The following GRXCR1 variants were observed in gnomAD, a reference collection of about 807,000 sequenced individuals.
The protein encoded by GRXCR1 is glutaredoxin and cysteine rich domain containing 1.
In GRXCR1, 27 loss-of-function variants were observed where a neutral mutation model predicts 27.3. The ratio of observed to expected loss-of-function variants is 0.99; its 90% CI spans 0.73 to 1.37. The LOEUF is 1.37. Ranked by LOEUF, GRXCR1 falls within the 40% of genes most tolerant of loss-of-function variation. GRXCR1 has a pLI of 0.00. For synonymous variants in GRXCR1, 122 were observed against 131.1 expected (o/e 0.93, Z 0.47); for missense variants, 379 against 354.4 (o/e 1.07, Z -0.56).
intron 1 of GRXCR1, among the ~76,000 whole-genome samples, chr4:42,925,798 T>C: frequency 6.6e-6 from 1 of 151,916 alleles, no homozygotes; most frequent in East Asian, 1.9e-4. Context: ...ACAGGTAGTC[T>C]TGAAAGACAG....
chr4:42,926,440 G>A (rs1032162759), intron 1 of GRXCR1, among the ~76,000 whole-genome samples: 1 of 151,740 alleles, frequency 6.6e-6, no homozygotes, highest in Non-Finnish European at 1.5e-5. Context: ...CAATGGAGCT[G>A]GTATCACCCA....
chr4:43,017,036 T>A (rs1310920345), intron 2 of GRXCR1, among the ~76,000 whole-genome samples: 1 of 152,168 alleles, frequency 6.6e-6, no homozygotes, highest in Admixed American at 6.5e-5. Flanking sequence ...AAGGTAGAGT[T>A]TTTTCATGTA....
chr4:42,926,024 AG>A (rs1241921929), intron 1 of GRXCR1, among the ~76,000 whole-genome samples: 1 of 152,006 alleles, frequency 6.6e-6, no homozygotes, highest in African/African-American at 2.4e-5. Flanking sequence ...TGAGAAAAAA[AG>A]TTTGTTTCCA....
chr4:42,956,615 A>G (rs932374561), intron 1 of GRXCR1, among the ~76,000 whole-genome samples: 3 of 152,146 alleles, frequency 2.0e-5, no homozygotes, highest in Non-Finnish European at 2.9e-5. Context: ...TTTACTGAAT[A>G]GTGTATTTTA....
intron 2 of GRXCR1, among the ~76,000 whole-genome samples, chr4:42,996,558 A>C (rs946387321): frequency 4.6e-5 from 7 of 152,070 alleles, no homozygotes; most frequent in Non-Finnish European, 1.0e-4. Flanking sequence ...TGCATTCTGA[A>C]GGTGTATTAT....
intron 1 of GRXCR1, among the ~76,000 whole-genome samples, chr4:42,938,078 C>A (rs1747502375): frequency 1.3e-5 from 2 of 152,002 alleles, no homozygotes; most frequent in South Asian, 4.1e-4. Context: ...CACCCACCCA[C>A]TACTCTTTCC....
At chr4:42,932,601 TATATATATATATATATATAGAG>T (rs1398462084) in intron 1 of GRXCR1, among the ~76,000 whole-genome samples, 266 of 59,022 alleles carry the variant, frequency 4.5e-3, no homozygotes, top group Middle Eastern at 8.6e-3. Context: ...TATATATATA[TATATATATATATATATATAGAG>T]AGAGAGAGAG....
At chr4:42,970,883 T>C (rs1748368774) in intron 2 of GRXCR1, among the ~76,000 whole-genome samples, 1 of 152,180 alleles carries the variant, frequency 6.6e-6, no homozygotes, top group African/African-American at 2.4e-5. Context: ...TTTTCCAAAT[T>C]GTTATGCTCT....
chr4:42,944,225 A>G (rs1233748188), intron 1 of GRXCR1, among the ~76,000 whole-genome samples: 1 of 152,104 alleles, frequency 6.6e-6, no homozygotes, highest in African/African-American at 2.4e-5. Context: ...AGGGAAGATC[A>G]GAGAAAACAT....
chr4:42,981,155 T>A (rs1383471173), intron 2 of GRXCR1, among the ~76,000 whole-genome samples: 1 of 46,032 alleles, frequency 2.2e-5, no homozygotes, highest in Non-Finnish European at 3.9e-5. Context: ...GTAGTGGTAT[T>A]TTTTTTTTTT....
intron 2 of GRXCR1, among the ~76,000 whole-genome samples, chr4:43,005,895 G>A (rs1047918456): frequency 6.6e-6 from 1 of 152,208 alleles, no homozygotes; most frequent in Non-Finnish European, 1.5e-5. Flanking sequence ...ATACAGTGTT[G>A]AATTAAATAT....
At chr4:42,960,027 G>C (rs539075969) in intron 1 of GRXCR1, among the ~76,000 whole-genome samples, 68 of 152,016 alleles carry the variant, frequency 4.5e-4, no homozygotes, top group African/African-American at 1.6e-3. Flanking sequence ...ATCCAACGTG[G>C]CTACCCGATA....
At chr4:42,960,233 A>G (rs1748100931) in intron 1 of GRXCR1, among the ~76,000 whole-genome samples, 1 of 152,008 alleles carries the variant, frequency 6.6e-6, no homozygotes, top group Admixed American at 6.6e-5. Context: ...TCAGAAGTAA[A>G]TGTACCTATT....
At chr4:42,988,880 T>C (rs1711867132) in intron 2 of GRXCR1, among the ~76,000 whole-genome samples, 1 of 152,202 alleles carries the variant, frequency 6.6e-6, no homozygotes. Flanking sequence ...AAGAAAGTTA[T>C]CAAGAAAGGC....
intron 1 of GRXCR1, among the ~76,000 whole-genome samples, chr4:42,919,453 A>G (rs1746958918): frequency 1.3e-5 from 2 of 152,102 alleles, no homozygotes; most frequent in Admixed American, 1.3e-4. Context: ...AAAGTGTGCC[A>G]TTCACTTTTG....
chr4:42,959,430 G>A (rs1372758603), intron 1 of GRXCR1, among the ~76,000 whole-genome samples: 1 of 151,688 alleles, frequency 6.6e-6, no homozygotes, highest in African/African-American at 2.4e-5. Context: ...AGTGGTGGGG[G>A]ATGGAAGGGA....
chr4:43,024,110 T>A (rs1713177769), intron 3 of GRXCR1, among the ~76,000 whole-genome samples: 1 of 151,908 alleles, frequency 6.6e-6, no homozygotes, highest in South Asian at 2.1e-4. Flanking sequence ...CCAAGTAAGC[T>A]TTGCCTTGTT....
At chr4:43,008,955 A>G (rs1005432638) in intron 2 of GRXCR1, among the ~76,000 whole-genome samples, 2 of 152,226 alleles carry the variant, frequency 1.3e-5, no homozygotes, top group African/African-American at 4.8e-5. Flanking sequence ...TTACTTTGTC[A>G]TTGCGCAACC....
At chr4:42,932,970 G>A (rs1747364865) in intron 1 of GRXCR1, among the ~76,000 whole-genome samples, 1 of 151,748 alleles carries the variant, frequency 6.6e-6, no homozygotes, top group Non-Finnish European at 1.5e-5. Flanking sequence ...AGGGAATGAT[G>A]AGAGAATCAT....
Sources: allele counts gnomAD v4.1 joint callset (sites outside exome capture counted in the v4.1 genomes callset), GRCh38; gene constraint gnomAD v4.1.1; transcripts MANE v1.5; gene names NCBI Gene and HGNC (gene_info 2026-07-23, HGNC 2026-07-21).